Variants in H2AZ2 observed in about 807,000 individuals in gnomAD.
H2AZ2 encodes the protein histone H2A.V.
In H2AZ2, 5 loss-of-function variants were observed where a neutral mutation model predicts 15.5. The ratio of observed to expected loss-of-function variants is 0.32; its 90% CI spans 0.17 to 0.68. The LOEUF (loss-of-function observed/expected upper bound fraction) is 0.68. Ranked by LOEUF, H2AZ2 falls within the 30% of genes least tolerant of loss-of-function variation. The pLI is 0.72. For synonymous variants in H2AZ2, 44 were observed against 57.4 expected, an observed-to-expected ratio of 0.77 and a Z score of 1.05; for missense variants, 42 against 162.5, an observed-to-expected ratio of 0.26 and a Z score of 4.03.
chr7:44,835,734 A>G lies in H2AZ2; in HGVS notation c.196-76T>C, dbSNP rs1009515349. The G allele has an allele frequency of 9.9e-6, 13 of 1,315,424 alleles. No homozygotes were observed. In the East Asian group the frequency reaches 3.1e-4, roughly 31 times the overall value. The allele number at this position is 1,315,424 out of a possible 1,614,324, so 81.5% of individuals were successfully genotyped here. On this transcript the variant is annotated intron_variant, in intron 3 of 4. Transcript: ENST00000308153. ...ATGAAGGATCACTTAGCATTTGTACATACAAAATGCACACACAATACATAA... is the reference window on the plus strand; with the variant it reads ...ATGAAGGATCACTTAGCATTTGTACGTACAAAATGCACACACAATACATAA...
At chr7:44,836,493 C>T (rs528187377) in intron 3 of H2AZ2, among the ~76,000 whole-genome samples, 3 of 152,086 alleles carry the variant, frequency 2.0e-5, no homozygotes, top group African/African-American at 4.8e-5. Flanking sequence ...ACTGGGCCAT[C>T]GCACTCAGCC....
chr7:44,847,845 G>A, intron 1 of H2AZ2, 124 bp downstream of exon 1: 1 of 1,335,842 alleles, frequency 7.5e-7, no homozygotes, highest in Admixed American at 2.6e-5. Context: ...GCGGCGAGGG[G>A]CTCGGCCGGA....
rs144052349 is a variant in H2AZ2, at chr7:44,840,828, C to T, written c.195+71G>A. 2.3e-4 allele frequency: 231 copies of T among 996,878 alleles called. 2 individuals carry two copies. The African/African-American group carries it at 3.4e-3, about 15-fold the overall frequency. 61.8% of individuals were successfully genotyped at this position (996,878 alleles called of 1,614,324 possible). A position where few individuals can be genotyped will look rare whatever the true frequency, so the allele number is the denominator to read the frequency against. ...TAATATGTCTTTTTTCAAATATATT[C>T]CATGGGTTTCTGTCACTGAGACTAG... On this transcript the variant is annotated intron_variant, in intron 3 of 4. Transcript: ENST00000308153.
chr7:44,845,345 TC>T (rs1793371669), intron 1 of H2AZ2, among the ~76,000 whole-genome samples: 1 of 152,188 alleles, frequency 6.6e-6, no homozygotes, highest in East Asian at 1.9e-4. Flanking sequence ...GCTCTCTATT[TC>T]TACCAGAATG....
intron 3 of H2AZ2, among the ~76,000 whole-genome samples, chr7:44,840,017 ATAAATAAATAAATAAATAAATAAATAAT>A (rs1036941392): frequency 6.7e-6 from 1 of 148,534 alleles, no homozygotes; most frequent in African/African-American, 2.5e-5. Flanking sequence ...AAATAAATAA[ATAAATAAATAAATAAATAAATAAATAAT>A]TAGCCAGGTG....
At position 44,833,716 on chromosome 7, in the gene H2AZ2, C is replaced by G; in HGVS notation, c.*785G>C. ...AACTGAACATCAATTCCAGGTAAAA[C>G]TAGGCTCTGGAGTCAGCCAGATCTA... On this transcript the variant is annotated 3_prime_UTR_variant, in exon 5 of 5. Transcript: ENST00000308153. 1 of 984,932 alleles carries G rather than the reference C, an allele frequency of 1.0e-6. No homozygotes were observed. Among genetic ancestry groups the G allele is most frequent in the Non-Finnish European group, 1.2e-6 (1 of 829,464 alleles). 61.0% of individuals were successfully genotyped at this position (984,932 alleles called of 1,614,324 possible).
rs752447284 is a variant in H2AZ2 at position 44,835,661 on chromosome 7, A to G, written c.196-3T>C. ...GCATTACCTGCCAGCTCCAGCACCT[A>G]CAAAGCATCCATGATTAGCATATCA... On this transcript the variant is annotated splice_region_variant and splice_polypyrimidine_tract_variant and intron_variant, in intron 3 of 4. Coordinates refer to ENST00000308153, the MANE Select transcript of H2AZ2 (RefSeq NM_012412.5). The G allele has an allele frequency of 6.3e-7, 1 of 1,591,794 alleles. No homozygotes were observed. Among genetic ancestry groups the G allele is most frequent in the South Asian group, 1.1e-5 (1 of 88,190 alleles).
intron 3 of H2AZ2, among the ~76,000 whole-genome samples, chr7:44,836,441 TCTTCCTA>T (rs1395268247): frequency 6.6e-6 from 1 of 152,196 alleles, no homozygotes; most frequent in Non-Finnish European, 1.5e-5. Flanking sequence ...CCTCAAGTGA[TCTTCCTA>T]CTTCAGCCTC....
In H2AZ2 at chr7:44,832,219, C is replaced by G. The variant is rs1377951431; in HGVS notation, c.*2282G>C. On this transcript the variant is annotated 3_prime_UTR_variant, in exon 5 of 5. Transcript: ENST00000308153. ...TGTTAAAAAAAACTTACGAGACAAT[C>G]AGGAAGTTTGAATATTGACTGGTAC... 9.9e-5 allele frequency among the ~76,000 whole-genome samples: 15 copies of G among 152,088 alleles called. No homozygotes were observed. The highest frequency in any genetic ancestry group is 2.9e-5 in the Non-Finnish European group (2 of 68,024).
At chr7:44,842,928 C>G (rs1793307537) in intron 2 of H2AZ2, among the ~76,000 whole-genome samples, 1 of 151,734 alleles carries the variant, frequency 6.6e-6, no homozygotes, top group Admixed American at 6.6e-5. Context: ...ATCACGAGGT[C>G]AAGAGATTGA....
chr7:44,828,188 G>A (rs1156946676), downstream of H2AZ2: 1 of 152,064 alleles, frequency 6.6e-6, no homozygotes, highest in African/African-American at 2.4e-5. Flanking sequence ...AATGTCAAAG[G>A]TCTACTTCTC....
chr7:44,836,315 T>G (rs1793121595), intron 3 of H2AZ2, among the ~76,000 whole-genome samples: 1 of 152,118 alleles, frequency 6.6e-6, no homozygotes, highest in African/African-American at 2.4e-5. Context: ...CAACCCTTAA[T>G]AGCTGAAATG....
downstream of H2AZ2, chr7:44,827,748 C>T (rs554190700): frequency 6.6e-6 from 1 of 152,252 alleles, no homozygotes; most frequent in African/African-American, 2.4e-5. Flanking sequence ...TCTCAGCTGC[C>T]ATTTAGGGAG....
chr7:44,835,307 A>C, intron 4 of H2AZ2: 1 of 436,214 alleles, frequency 2.3e-6, no homozygotes, highest in South Asian at 7.3e-5. Context: ...TGAAATTTAG[A>C]CAAAGAACTG....
chr7:44,831,311 G>A (rs937669228), downstream of H2AZ2, among the ~76,000 whole-genome samples: 1 of 152,198 alleles, frequency 6.6e-6, no homozygotes, highest in Non-Finnish European at 1.5e-5. Flanking sequence ...GATCATAACT[G>A]TGAGAGCTAA....
chr7:44,840,360 T>C (rs1249435449), intron 3 of H2AZ2, among the ~76,000 whole-genome samples: 2 of 152,226 alleles, frequency 1.3e-5, no homozygotes, highest in Non-Finnish European at 2.9e-5. Context: ...GTGTTGGCAT[T>C]ACAGGCGTGA....
At chr7:44,828,867 AGGATTCACTTCCTTC>A (rs1355069837), downstream of H2AZ2, 2 of 152,190 alleles carry the variant, frequency 1.3e-5, no homozygotes, top group Admixed American at 1.3e-4. Context: ...GCTCACTGGA[AGGATTCACTTCCTTC>A]TCTTGATTTC....
intron 1 of H2AZ2, among the ~76,000 whole-genome samples, chr7:44,847,407 G>A (rs1430285399): frequency 6.6e-6 from 1 of 152,192 alleles, no homozygotes; most frequent in Non-Finnish European, 1.5e-5. Flanking sequence ...GGGCTCAGAA[G>A]ATAACGGGCG....
chr7:44,847,588 T>C (rs1341637231), intron 1 of H2AZ2, among the ~76,000 whole-genome samples: 1 of 152,208 alleles, frequency 6.6e-6, no homozygotes, highest in Non-Finnish European at 1.5e-5. Context: ...ATCTAACTTG[T>C]ACAGCGGCAG....
Sources: allele counts gnomAD v4.1 joint callset (sites outside exome capture counted in the v4.1 genomes callset), GRCh38; gene constraint gnomAD v4.1.1; transcripts MANE v1.5; gene names NCBI Gene and HGNC (gene_info 2026-07-23, HGNC 2026-07-21).